The following PIP5K1B variants were observed in gnomAD, a reference collection of about 807,000 sequenced individuals.
The protein encoded by PIP5K1B is phosphatidylinositol 4-phosphate 5-kinase type-1 beta.
A neutral mutation model predicts 67.0 loss-of-function variants in PIP5K1B; 42 were observed. That is an observed-to-expected ratio of 0.63 (90% CI 0.49 to 0.81). PIP5K1B has a LOEUF of 0.81. Ranked by LOEUF, PIP5K1B falls within the 30% of genes least tolerant of loss-of-function variation. The pLI, the probability that PIP5K1B is intolerant of heterozygous loss-of-function variation, is 0.00. For missense variants in PIP5K1B, 459 were observed against 646.3 expected, an observed-to-expected ratio of 0.71 and a Z score of 3.14; for synonymous variants, 214 against 231.4, an observed-to-expected ratio of 0.92 and a Z score of 0.68.
intron 14 of PIP5K1B, among the ~76,000 whole-genome samples, chr9:68,941,327 G>T (rs982030622): frequency 1.3e-5 from 2 of 152,180 alleles, no homozygotes; most frequent in Non-Finnish European, 2.9e-5. Flanking sequence ...GAATTATCCA[G>T]ATAGGCCCAA....
At chr9:69,008,319 C>A in intron 15 of PIP5K1B, 128 bp from the exon 16 acceptor site, 1 of 820,816 alleles carries the variant, frequency 1.2e-6, no homozygotes, top group Non-Finnish European at 2.1e-6. Flanking sequence ...GAATCCCAAA[C>A]ATAATGCACC....
At chr9:68,775,894 GTTGT>G (rs1830893156) in intron 2 of PIP5K1B, among the ~76,000 whole-genome samples, 1 of 152,010 alleles carries the variant, frequency 6.6e-6, no homozygotes, top group Non-Finnish European at 1.5e-5. Flanking sequence ...ACTGTTTATG[GTTGT>G]TTGAGTCTGG....
At position 68,893,333 on chromosome 9, in the gene PIP5K1B, CT is replaced by C. The variant is rs397792694; in HGVS notation, c.472-988del. ...TAGGCATGTATTCCCTATTTTTTTTCTTTTTTTTTTTTTTTTTTGAGACAGA... is the reference window on the plus strand; with the variant it reads ...TAGGCATGTATTCCCTATTTTTTTTCTTTTTTTTTTTTTTTTTGAGACAGA... On this transcript the variant is annotated intron_variant, in intron 7 of 15. Transcript: ENST00000265382. Among the ~76,000 whole-genome samples the C allele has an allele frequency of 1.7e-4, 19 of 110,974 alleles. No individual in the cohort carries two copies. The East Asian group carries it at 2.0e-3, about 12-fold the overall frequency. 72.8% of individuals were successfully genotyped at this position (110,974 alleles called of 152,430 possible).
intron 4 of PIP5K1B, among the ~76,000 whole-genome samples, chr9:68,827,688 A>T (rs60451355): frequency 0.012 from 1,774 of 152,298 alleles, 37 homozygotes; most frequent in African/African-American, 0.039. Flanking sequence ...GATGTGGGGA[A>T]TATTTTTGAA....
At chr9:68,773,029 A>G (rs927106523) in intron 2 of PIP5K1B, among the ~76,000 whole-genome samples, 2 of 152,168 alleles carry the variant, frequency 1.3e-5, no homozygotes, top group Admixed American at 6.5e-5. Context: ...AGACTTGCCC[A>G]AAGTCCCACT....
chr9:68,841,499 T>C (rs1166583387), intron 4 of PIP5K1B, among the ~76,000 whole-genome samples: 3 of 152,190 alleles, frequency 2.0e-5, no homozygotes, highest in East Asian at 3.8e-4. Context: ...TAGGTTACAG[T>C]TGAGAGCTAT....
intron 4 of PIP5K1B, among the ~76,000 whole-genome samples, chr9:68,824,985 T>C (rs1360347401): frequency 4.6e-5 from 7 of 152,194 alleles, no homozygotes; most frequent in African/African-American, 1.7e-4. Context: ...ATTATTCTTA[T>C]TTTCAAAAAT....
chr9:68,861,853 G>A (rs879831426), intron 4 of PIP5K1B, among the ~76,000 whole-genome samples: 18 of 151,880 alleles, frequency 1.2e-4, no homozygotes, highest in African/African-American at 2.9e-4. Context: ...GCAGAGCTCC[G>A]AGAGGGAGCA....
At chr9:68,904,124 A>G (rs141514230) in intron 8 of PIP5K1B, among the ~76,000 whole-genome samples, 12 of 152,356 alleles carry the variant, frequency 7.9e-5, no homozygotes, top group African/African-American at 2.9e-4. Context: ...GCAGGTCCAC[A>G]GAGCTCACAG....
intron 14 of PIP5K1B, among the ~76,000 whole-genome samples, chr9:68,990,028 A>G (rs751220220): frequency 3.0e-4 from 45 of 152,146 alleles, no homozygotes; most frequent in Non-Finnish European, 5.7e-4. Context: ...TTCAACAGTT[A>G]ACACTGGTTA....
chr9:68,857,959 TTTGTTGTTGTTGTTG>T (rs71353086), intron 4 of PIP5K1B, among the ~76,000 whole-genome samples: 2 of 149,426 alleles, frequency 1.3e-5, no homozygotes, highest in East Asian at 4.0e-4. Context: ...CTCTTGCTGT[TTTGTTGTTGTTGTTG>T]TTGTTGTTGT....
chr9:68,780,289 A>G (rs770389918), intron 2 of PIP5K1B: 1 of 1,591,324 alleles, frequency 6.3e-7, no homozygotes, highest in South Asian at 1.1e-5. Context: ...CCCCTGATCC[A>G]CGGCCTCAGT....
intron 14 of PIP5K1B, among the ~76,000 whole-genome samples, chr9:68,983,450 CTG>C (rs1006094119): frequency 2.0e-5 from 3 of 151,898 alleles, no homozygotes; most frequent in African/African-American, 7.2e-5. Flanking sequence ...TATCTTTTTT[CTG>C]TGTGTGTGTT....
chr9:68,961,135 G>C (rs892264404), intron 14 of PIP5K1B, among the ~76,000 whole-genome samples: 2 of 151,782 alleles, frequency 1.3e-5, no homozygotes, highest in Non-Finnish European at 2.9e-5. Context: ...GCGTGAACCC[G>C]GGAAGCGGAG....
Position 68,917,710 on chromosome 9 carries a change from C to T in PIP5K1B, c.934C>T (p.Gln312Ter), listed in dbSNP as rs771116639. 3 of 1,614,124 alleles carry T rather than the reference C, an allele frequency of 1.9e-6. No individual in the cohort carries two copies. The highest frequency in any genetic ancestry group is 8.5e-7 in the Non-Finnish European group (1 of 1,179,968). Residue 312 changes from glutamine (Q) to a stop codon, truncating the protein, a stop_gained, in exon 9 of 16, where the codon CAG becomes TAG. Transcript: ENST00000265382. LOFTEE classifies it high-confidence loss of function. ...CTACTCAACAGCCATGGAATCTATC[C>T]AGGGTCCAGGGAAATCTGGAGATGG... ...VLYSTAMESI[Q>*]GPGKSGDGII...
intron 7 of PIP5K1B, among the ~76,000 whole-genome samples, chr9:68,892,476 T>G (rs1408806859): frequency 6.6e-6 from 1 of 152,228 alleles, no homozygotes; most frequent in Non-Finnish European, 1.5e-5. Context: ...TCTATGTGAA[T>G]TTGTCTACTT....
chr9:68,852,072 G>A (rs1382491918), intron 4 of PIP5K1B, among the ~76,000 whole-genome samples: 3 of 152,132 alleles, frequency 2.0e-5, no homozygotes, highest in Non-Finnish European at 2.9e-5. Context: ...GCAGGTGAGG[G>A]GCAAGGGGAG....
At chr9:68,982,593 C>T (rs1028197573) in intron 14 of PIP5K1B, among the ~76,000 whole-genome samples, 6 of 151,806 alleles carry the variant, frequency 4.0e-5, no homozygotes, top group African/African-American at 1.5e-4. Context: ...CCCATCTCTA[C>T]TAAAAATACA....
intron 3 of PIP5K1B, 177 bp from the exon 4 acceptor site, chr9:68,822,438 A>G: frequency 2.0e-6 from 1 of 504,502 alleles, no homozygotes. Context: ...TGAAAGATTA[A>G]GGAATGCAGA....
Sources: allele counts gnomAD v4.1 joint callset (sites outside exome capture counted in the v4.1 genomes callset), GRCh38; gene constraint gnomAD v4.1.1; transcripts MANE v1.5; gene names NCBI Gene and HGNC (gene_info 2026-07-23, HGNC 2026-07-21).